RBFOX1: variants seen among roughly 807,000 people sequenced by gnomAD.
RBFOX1 encodes RNA binding protein fox-1 homolog 1.
Under a neutral mutation model 57.7 loss-of-function variants are expected in RBFOX1, and 8 were observed. The ratio of observed to expected loss-of-function variants is 0.14; its 90% CI spans 0.08 to 0.25. RBFOX1 has a LOEUF of 0.25. Among genes scored for constraint, RBFOX1 ranks in the 10% least tolerant of loss-of-function variants. The pLI is 1.00. For missense variants in RBFOX1, 611 were observed against 548.5 expected, an observed-to-expected ratio of 1.11 and a Z score of -1.14; for synonymous variants, 326 against 222.4, an observed-to-expected ratio of 1.47 and a Z score of -4.15.
intron 4 of RBFOX1, among the ~76,000 whole-genome samples, chr16:5,918,244 C>T (rs1490344475): frequency 4.6e-5 from 7 of 152,126 alleles, no homozygotes; most frequent in Admixed American, 1.3e-4. Context: ...CTCAGCCTCC[C>T]GAGTAGCTGG....
chr16:6,001,819 C>T (rs149499596), intron 4 of RBFOX1, among the ~76,000 whole-genome samples: 16 of 152,244 alleles, frequency 1.1e-4, no homozygotes, highest in African/African-American at 3.6e-4. Flanking sequence ...CTGGGAAACA[C>T]TGCAATAAGC....
intron 2 of RBFOX1, among the ~76,000 whole-genome samples, chr16:6,551,622 TTAAAA>T (rs1196854843): frequency 1.3e-5 from 2 of 152,164 alleles, no homozygotes; most frequent in Non-Finnish European, 2.9e-5. Context: ...TTAAGAACAC[TTAAAA>T]TAAGGAATTC....
intron 3 of RBFOX1, among the ~76,000 whole-genome samples, chr16:6,971,490 G>A (rs533714875): frequency 7.8e-6 from 1 of 128,556 alleles, no homozygotes; most frequent in Non-Finnish European, 1.9e-5. Context: ...AATATGAAGA[G>A]AGAGAGAGAG....
At chr16:5,643,184 G>A (rs565836972) in intron 3 of RBFOX1, among the ~76,000 whole-genome samples, 4 of 152,306 alleles carry the variant, frequency 2.6e-5, no homozygotes, top group Non-Finnish European at 5.9e-5. Flanking sequence ...GACATCAGAA[G>A]CAGGAGGGTG....
At chr16:6,284,856 T>G (rs1268729356) in intron 1 of RBFOX1, among the ~76,000 whole-genome samples, 1 of 152,170 alleles carries the variant, frequency 6.6e-6, no homozygotes, top group Non-Finnish European at 1.5e-5. Context: ...GAGAACACAT[T>G]GTTCTTCTCA....
chr16:7,502,568 G>T (rs1198233570), intron 4 of RBFOX1, among the ~76,000 whole-genome samples: 1 of 152,074 alleles, frequency 6.6e-6, no homozygotes, highest in South Asian at 2.1e-4. Context: ...TGGTAGTGAG[G>T]CATAAACTTT....
chr16:7,156,844 T>C (rs1207681406), intron 4 of RBFOX1, among the ~76,000 whole-genome samples: 3 of 152,204 alleles, frequency 2.0e-5, no homozygotes, highest in African/African-American at 4.8e-5. Context: ...TCTTATTTAA[T>C]GGCTAGATCG....
Position 5,553,096 on chromosome 16 carries a change from C to T in RBFOX1, c.259-45806C>T, listed in dbSNP as rs148490963. Reference sequence around the variant, plus strand: ...GAATTGAACAATGAGATCACTTGGACACAGGGCGAGCAACATCACATACCC... The same window carrying T: ...GAATTGAACAATGAGATCACTTGGATACAGGGCGAGCAACATCACATACCC... On this transcript the variant is annotated intron_variant, in intron 2 of 2. Transcript: ENST00000585867. Among the ~76,000 whole-genome samples, 68 of 152,240 alleles carry T rather than the reference C, an allele frequency of 4.5e-4. 1 individual carries two copies. The East Asian group carries it at 0.012, about 28-fold the overall frequency.
intron 3 of RBFOX1, among the ~76,000 whole-genome samples, chr16:6,852,551 T>C (rs2094127538): frequency 6.6e-6 from 1 of 152,212 alleles, no homozygotes; most frequent in Non-Finnish European, 1.5e-5. Context: ...GCGAGATACA[T>C]GGTGGCAACT....
chr16:5,389,845 C>T (rs1780021121), intron 1 of RBFOX1, among the ~76,000 whole-genome samples: 1 of 151,834 alleles, frequency 6.6e-6, no homozygotes, highest in South Asian at 2.1e-4. Flanking sequence ...TTACAGGTGC[C>T]TGCCACCACG....
At chr16:7,689,994 C>T (rs1352114214) in intron 14 of RBFOX1, among the ~76,000 whole-genome samples, 4 of 152,070 alleles carry the variant, frequency 2.6e-5, no homozygotes, top group Non-Finnish European at 5.9e-5. Context: ...CAAACAGAAG[C>T]TGCAAAAGTA....
At chr16:5,848,722 G>C (rs2056816248) in intron 3 of RBFOX1, among the ~76,000 whole-genome samples, 1 of 152,042 alleles carries the variant, frequency 6.6e-6, no homozygotes, top group Non-Finnish European at 1.5e-5. Flanking sequence ...TGAGGTGGGT[G>C]GATCACCTGA....
chr16:6,679,616 G>A (rs560905890), intron 3 of RBFOX1, among the ~76,000 whole-genome samples: 1 of 152,222 alleles, frequency 6.6e-6, no homozygotes, highest in South Asian at 2.1e-4. Flanking sequence ...ATTGGAAAGG[G>A]TCTAACATTT....
intron 4 of RBFOX1, among the ~76,000 whole-genome samples, chr16:7,195,070 ACT>A (rs1352225637): frequency 7.2e-5 from 11 of 151,950 alleles, no homozygotes; most frequent in African/African-American, 2.2e-4. Flanking sequence ...AAAAAATTAT[ACT>A]CTCTGAATTT....
chr16:7,193,539 G>C (rs2085945356), intron 4 of RBFOX1, among the ~76,000 whole-genome samples: 1 of 152,334 alleles, frequency 6.6e-6, no homozygotes, highest in East Asian at 1.9e-4. Context: ...ATGCTTTTAT[G>C]GTCCTTACAC....
intron 2 of RBFOX1, among the ~76,000 whole-genome samples, chr16:6,495,338 C>T (rs1429447890): frequency 2.0e-5 from 3 of 152,060 alleles, no homozygotes; most frequent in Non-Finnish European, 2.9e-5. Flanking sequence ...AGGCTGGTCT[C>T]GAACTCCTGA....
At chr16:5,908,095 T>TACAC (rs1406586963) in intron 4 of RBFOX1, among the ~76,000 whole-genome samples, 8 of 139,888 alleles carry the variant, frequency 5.7e-5, no homozygotes, top group African/African-American at 2.1e-4. Context: ...TACACATATA[T>TACAC]ACACATATAT....
intron 3 of RBFOX1, among the ~76,000 whole-genome samples, chr16:5,672,531 G>T (rs2050042962): frequency 6.6e-6 from 1 of 152,160 alleles, no homozygotes. Context: ...GGACCCAACT[G>T]TGGAAACAGT....
intron 2 of RBFOX1, among the ~76,000 whole-genome samples, chr16:6,460,263 T>C (rs1366461918): frequency 6.6e-6 from 1 of 152,092 alleles, no homozygotes; most frequent in Non-Finnish European, 1.5e-5. Context: ...TTTCCCTGTG[T>C]GTGTGACTGT....
Sources: allele counts gnomAD v4.1 joint callset (sites outside exome capture counted in the v4.1 genomes callset), GRCh38; gene constraint gnomAD v4.1.1; transcripts MANE v1.5; gene names NCBI Gene and HGNC (gene_info 2026-07-23, HGNC 2026-07-21).